The following ERICH1 variants were observed in gnomAD, a reference collection of about 807,000 sequenced individuals.
The protein encoded by ERICH1 is glutamate rich 1.
Under a neutral mutation model 39.6 loss-of-function variants are expected in ERICH1, and 56 were observed. That is an observed-to-expected ratio of 1.41 (90% CI 1.14 to 1.77). The LOEUF is 1.77. Ranked by LOEUF, ERICH1 falls within the 40% of genes most tolerant of loss-of-function variation. The pLI is 0.00. For synonymous variants in ERICH1, 313 were observed against 223.6 expected (o/e 1.40, Z -3.57); for missense variants, 826 against 575.4 (o/e 1.44, Z -4.45).
chr8:619,413 G>T (rs965952532), intron 3 of ERICH1, among the ~76,000 whole-genome samples: 1 of 152,082 alleles, frequency 6.6e-6, no homozygotes, highest in Non-Finnish European at 1.5e-5. Flanking sequence ...TTACATAAAA[G>T]AATATGTATA....
Position 687,069 on chromosome 8 carries a change from C to T in ERICH1, c.304+5409G>A, listed in dbSNP as rs921519. Among the ~76,000 whole-genome samples, 85 of 152,204 alleles carry T rather than the reference C, an allele frequency of 5.6e-4. 1 individual carries two copies. Among genetic ancestry groups the T allele is most frequent in the African/African-American group, 2.0e-3 (84 of 41,532 alleles). On this transcript the variant is annotated intron_variant, in intron 3 of 5. Transcript: ENST00000262109. ...CGATTCTGTCAAAACAGAGCATGTA[C>T]GGATGTTTAACTCAAACGGAATCCA... is the stretch of plus-strand genomic sequence containing the variant.
chr8:623,487 ATT>A (rs984829291), intron 3 of ERICH1, among the ~76,000 whole-genome samples: 1 of 152,316 alleles, frequency 6.6e-6, no homozygotes, highest in South Asian at 2.1e-4. Flanking sequence ...TAATTTAAAA[ATT>A]TTTGTTTTTT....
At chr8:724,511 C>T (rs1818115312) in intron 1 of ERICH1, among the ~76,000 whole-genome samples, 1 of 152,046 alleles carries the variant, frequency 6.6e-6, no homozygotes, top group African/African-American at 2.4e-5. Flanking sequence ...CCGGAGAGGC[C>T]GGCACTGCCC....
intron 3 of ERICH1, among the ~76,000 whole-genome samples, chr8:678,597 C>T (rs1318386465): frequency 6.6e-6 from 1 of 152,166 alleles, no homozygotes; most frequent in South Asian, 2.1e-4. Flanking sequence ...ATCACGAGGT[C>T]AGGAGATTGA....
chr8:708,353 T>G (rs778207806), intron 2 of ERICH1, among the ~76,000 whole-genome samples: 1 of 152,198 alleles, frequency 6.6e-6, no homozygotes, highest in African/African-American at 2.4e-5. Flanking sequence ...GCATGGATTC[T>G]CATAGCAATG....
In ERICH1 at chr8:673,863, C is replaced by T; in HGVS notation, c.489G>A (p.Arg163=). 8 of 1,613,698 alleles carry T rather than the reference C, an allele frequency of 5.0e-6. No individual in the cohort carries two copies. Among genetic ancestry groups the T allele is most frequent in the Non-Finnish European group, 6.8e-6 (8 of 1,179,984 alleles). Residue 163 remains arginine (R), a synonymous_variant, in exon 4 of 6, where the codon AGG becomes AGA. Coordinates refer to ENST00000262109, the MANE Select transcript of ERICH1 (RefSeq NM_207332.3). ...TAATTTGCTGTTTCTTTTTCAGTTT[C>T]CTTTTTTTATTTTTGCTTATTGTGG... The part of the protein sequence containing the change: ...DGTTISKNKK[R]KLKKKQQIKR...
At chr8:639,903 T>A in intron 3 of ERICH1, among the ~76,000 whole-genome samples, 1 of 152,244 alleles carries the variant, frequency 6.6e-6, no homozygotes, top group Non-Finnish European at 1.5e-5. Context: ...ACTAGCCTCC[T>A]GGCCTTAATT....
chr8:706,407 A>C (rs1190822525), intron 2 of ERICH1, among the ~76,000 whole-genome samples: 1 of 152,208 alleles, frequency 6.6e-6, no homozygotes, highest in Non-Finnish European at 1.5e-5. Context: ...AAAAGAATAA[A>C]ATACTTTGGA....
At chr8:708,686 T>TTGTTTTTTGTTTTTTTTTTTTG (rs1487357438) in intron 2 of ERICH1, among the ~76,000 whole-genome samples, 4 of 48,980 alleles carry the variant, frequency 8.2e-5, no homozygotes, top group African/African-American at 2.7e-4. Flanking sequence ...AATGAGTTTT[T>TTGTTTTTTGTTTTTTTTTTTTG]TTTTTTTTTT....
At chr8:711,450 A>G (rs1669619) in intron 2 of ERICH1, among the ~76,000 whole-genome samples, 2 of 151,688 alleles carry the variant, frequency 1.3e-5, no homozygotes, top group Non-Finnish European at 2.9e-5. Flanking sequence ...TTGCCTCCCA[A>G]GTAATCTTCT....
In ERICH1 at chr8:715,935, G is replaced by C. The variant is rs143519968; in HGVS notation, c.95C>G (p.Thr32Arg). The C allele has an allele frequency of 3.7e-6, 6 of 1,613,890 alleles. No homozygotes were observed. Among genetic ancestry groups the C allele is most frequent in the Non-Finnish European group, 5.1e-6 (6 of 1,179,976 alleles). The change falls in exon 2 of 6, where the codon ACG becomes AGG. Residue 32 changes from threonine to arginine, a missense_variant. Coordinates refer to ENST00000262109, the MANE Select transcript of ERICH1 (RefSeq NM_207332.3). The part of the protein sequence containing the change: ...PSGQGKREPQ[T>R]LAVQNPPKKV... ...CTTTGGTGGATTTTGGACGGCCAGCGTCTGGGGTTCCCTCTTTCCTTGGCC... is the reference window on the plus strand; with the variant it reads ...CTTTGGTGGATTTTGGACGGCCAGCCTCTGGGGTTCCCTCTTTCCTTGGCC...
chr8:660,129 C>A (rs1018237806), downstream of ERICH1, among the ~76,000 whole-genome samples: 9 of 143,568 alleles, frequency 6.3e-5, no homozygotes, highest in Non-Finnish European at 1.2e-4. Flanking sequence ...TCCCCCTGGC[C>A]CCTGCCCGGG....
intron 3 of ERICH1, among the ~76,000 whole-genome samples, chr8:657,177 C>T (rs1209238265): frequency 1.3e-5 from 2 of 152,182 alleles, no homozygotes; most frequent in Non-Finnish European, 2.9e-5. Flanking sequence ...AAGAAAGAAA[C>T]ACGAAAAGCA....
chr8:698,595 T>G (rs1324333038), intron 2 of ERICH1, among the ~76,000 whole-genome samples: 5 of 152,032 alleles, frequency 3.3e-5, no homozygotes, highest in Non-Finnish European at 7.4e-5. Flanking sequence ...CATTGAAAAA[T>G]TACACACTTC....
intron 3 of ERICH1, among the ~76,000 whole-genome samples, chr8:632,734 G>A (rs1204388628): frequency 2.0e-5 from 3 of 152,210 alleles, no homozygotes; most frequent in African/African-American, 7.2e-5. Context: ...TCAGACAGGT[G>A]AAATGGACAA....
chr8:701,820 G>A (rs10089010), intron 2 of ERICH1, among the ~76,000 whole-genome samples: 27,628 of 152,042 alleles, frequency 0.18, 3,160 homozygotes, highest in Middle Eastern at 0.33. Flanking sequence ...AGCCAGGCGC[G>A]GTTGCTCACG....
At position 673,972 on chromosome 8, in the gene ERICH1, T is replaced by C. The variant is rs755669193; in HGVS notation, c.380A>G (p.Asn127Ser). Residue 127 changes from asparagine to serine, a missense_variant, in exon 4 of 6, where the codon AAT (asparagine) becomes AGT (serine). Coordinates refer to ENST00000262109, the MANE Select transcript of ERICH1 (RefSeq NM_207332.3). ...TTCTGCTTGTTCTATAAGAACATTA[T>C]TGGGATTTTTAAATTTTTTCTTTGA... is the stretch of plus-strand genomic sequence containing the variant. ...HKSKKKFKNP[N>S]NVLIEQAELE... is the part of the protein sequence containing the mutation. 9 of 1,591,954 alleles carry C rather than the reference T, an allele frequency of 5.7e-6. No individual in the cohort carries two copies. Among genetic ancestry groups the C allele is most frequent in the South Asian group, 1.2e-5 (1 of 85,924 alleles).
chr8:681,717 G>A (rs1806157103), intron 3 of ERICH1, among the ~76,000 whole-genome samples: 1 of 152,178 alleles, frequency 6.6e-6, no homozygotes, highest in South Asian at 2.1e-4. Context: ...TTCCTGCCAA[G>A]CCAGAAACCA....
At position 664,318 on chromosome 8, in the gene ERICH1, CAG is replaced by C. The variant is rs1177744803; in HGVS notation, c.*283_*284del. On this transcript the variant is annotated 3_prime_UTR_variant, in exon 6 of 6. Coordinates refer to ENST00000262109, the MANE Select transcript of ERICH1 (RefSeq NM_207332.3). The stretch of plus-strand genomic sequence containing the variant: ...GCTTCAAACTATACATTTAACTTAA[CAG>C]AATGTCCATTTTCAATTTTTACAAT... 10 of 1,076,316 alleles carry C rather than the reference CAG, an allele frequency of 9.3e-6. No homozygotes were observed. The highest frequency in any genetic ancestry group is 1.0e-5 in the Non-Finnish European group (9 of 889,200). 66.7% of individuals were successfully genotyped at this position (1,076,316 alleles called of 1,614,324 possible).
Sources: gnomAD v4.1 joint callset for allele counts (sites outside exome capture counted in the v4.1 genomes callset) on GRCh38, gnomAD v4.1.1 for gene constraint, MANE v1.5 for transcripts, NCBI Gene and HGNC (gene_info 2026-07-23, HGNC 2026-07-21) for gene names.